TIMM17A: variants seen among roughly 807,000 people sequenced by gnomAD.
The protein encoded by TIMM17A is translocase of inner mitochondrial membrane 17A.
In TIMM17A, 15 loss-of-function variants were observed where a neutral mutation model predicts 26.5. The observed-to-expected ratio is 0.57, with a 90% CI of 0.38 to 0.87. The LOEUF is 0.87. Among genes scored for constraint, TIMM17A ranks in the 40% least tolerant of loss-of-function variants. The probability of loss-of-function intolerance (pLI) is 0.00; values close to 1 mark genes in which losing one functional copy is unlikely to be tolerated. For synonymous variants in TIMM17A, 80 were observed against 70.8 expected (o/e 1.13, Z -0.66); for missense variants, 201 against 210.0 (o/e 0.96, Z 0.27).
chr1:201,955,558 C>G lies in TIMM17A; in HGVS notation c.26+6C>G, dbSNP rs750143420. 2 of 1,614,140 alleles carry G rather than the reference C, an allele frequency of 1.2e-6. No homozygotes were observed. The highest frequency in any genetic ancestry group is 1.7e-6 in the Non-Finnish European group (2 of 1,180,054). Reference sequence around the variant, plus strand: ...GAGTACGCGCGAGAGCCTTGGTGAGCTTCACCGCTGTCTTTGCATTTCTCT... The same window carrying G: ...GAGTACGCGCGAGAGCCTTGGTGAGGTTCACCGCTGTCTTTGCATTTCTCT... On this transcript the variant is annotated splice_donor_region_variant and intron_variant, in intron 1 of 5. Coordinates refer to ENST00000367287, the MANE Select transcript of TIMM17A (RefSeq NM_006335.3).
rs1309524452 is a variant in TIMM17A at position 201,957,270 on chromosome 1, CCT to C, written c.27-10_27-9del. On this transcript the variant is annotated splice_polypyrimidine_tract_variant and intron_variant, in intron 1 of 5. Coordinates refer to ENST00000367287, the MANE Select transcript of TIMM17A (RefSeq NM_006335.3). ...TGAGAAATATGGTCTTTTTTTTCCC[CCT>C]GTTCTTAGCCCATGGCGAATTGTGG... 17 of 1,560,076 alleles carry C rather than the reference CCT, an allele frequency of 1.1e-5. No homozygotes were observed. The African/African-American group carries it at 1.2e-4, about 11-fold the overall frequency.
chr1:201,968,133 A>C (rs1003717750), intron 5 of TIMM17A, among the ~76,000 whole-genome samples: 1 of 150,944 alleles, frequency 6.6e-6, no homozygotes, highest in Non-Finnish European at 1.5e-5. Flanking sequence ...AGTAGCTGGG[A>C]CTACAGGTGC....
chr1:201,955,919 C>A (rs975025654), intron 1 of TIMM17A, among the ~76,000 whole-genome samples: 1 of 152,176 alleles, frequency 6.6e-6, no homozygotes, highest in African/African-American at 2.4e-5. Context: ...CGCGTCCCTC[C>A]GTCTCGCCTT....
At chr1:201,968,961 T>G (rs890280389) in intron 5 of TIMM17A, among the ~76,000 whole-genome samples, 1 of 152,124 alleles carries the variant, frequency 6.6e-6, no homozygotes, top group Non-Finnish European at 1.5e-5. Flanking sequence ...CTGCAAGACT[T>G]TGTTCTACAG....
At position 201,967,517 on chromosome 1, in the gene TIMM17A, T is replaced by TTTTATTTATTTATTTATTTTA. The variant is rs144257538; in HGVS notation, c.431-1937_431-1936insATTTTATTTATTTATTTATTT. ...CTTTTTTCCTCAGAGGGAATCTCCT[T>TTTTATTTATTTATTTATTTTA]TTTATTTATTTATTTTATTTATTTA... On this transcript the variant is annotated intron_variant, in intron 5 of 5. Coordinates refer to ENST00000367287, the MANE Select transcript of TIMM17A (RefSeq NM_006335.3). 4.9e-5 allele frequency among the ~76,000 whole-genome samples: 7 copies of TTTTATTTATTTATTTATTTTA among 142,900 alleles called. No homozygotes were observed. The South Asian group carries it at 1.5e-3, about 31-fold the overall frequency. The allele number at this position is 142,900 out of a possible 152,430, so 93.7% of individuals were successfully genotyped here.
chr1:201,968,156 C>T (rs1477318681), intron 5 of TIMM17A, among the ~76,000 whole-genome samples: 2 of 146,484 alleles, frequency 1.4e-5, no homozygotes, highest in African/African-American at 5.1e-5. Flanking sequence ...AACATCACAC[C>T]TGGCTCATTT....
At position 201,963,851 on chromosome 1, in the gene TIMM17A, C is replaced by T. The variant is rs1006098893; in HGVS notation, c.319+107C>T. The T allele has an allele frequency of 1.1e-5, 14 of 1,217,444 alleles. No homozygotes were observed. The East Asian group carries it at 3.0e-4, about 26-fold the overall frequency. The allele number at this position is 1,217,444 out of a possible 1,614,324, so 75.4% of individuals were successfully genotyped here. On this transcript the variant is annotated intron_variant, in intron 4 of 5. Coordinates refer to ENST00000367287, the MANE Select transcript of TIMM17A (RefSeq NM_006335.3). The stretch of plus-strand genomic sequence containing the variant: ...TATATAAAACTGATTATTGACCAGG[C>T]ACATTGGCTCATGACTATAATTCCA...
chr1:201,962,372 A>C (rs1267820575), intron 3 of TIMM17A: 1 of 152,232 alleles, frequency 6.6e-6, no homozygotes, highest in African/African-American at 2.4e-5. Flanking sequence ...TTTGAGACGG[A>C]GTCTCGCTCT....
At chr1:201,969,147 T>G (rs56409446) in intron 5 of TIMM17A, among the ~76,000 whole-genome samples, 12 of 152,214 alleles carry the variant, frequency 7.9e-5, no homozygotes, top group African/African-American at 2.9e-4. Flanking sequence ...AATCTTGATA[T>G]ATGGCAGCTT....
intron 4 of TIMM17A, among the ~76,000 whole-genome samples, chr1:201,964,639 T>C (rs1488558893): frequency 2.7e-3 from 45 of 16,382 alleles, no homozygotes; most frequent in African/African-American, 6.2e-3. Flanking sequence ...TTATTTCTTT[T>C]TTTTTTTTTT....
intron 3 of TIMM17A, among the ~76,000 whole-genome samples, chr1:201,958,810 CT>C (rs773037741): frequency 4.4e-4 from 67 of 152,286 alleles, no homozygotes; most frequent in Admixed American, 1.4e-3. Context: ...TCAAAATAAT[CT>C]TCTCTTTGCT....
intron 5 of TIMM17A, among the ~76,000 whole-genome samples, chr1:201,966,578 C>T (rs1281847133): frequency 6.6e-6 from 1 of 151,980 alleles, no homozygotes; most frequent in Non-Finnish European, 1.5e-5. Context: ...CACGGTGGCT[C>T]ACACCTGTAA....
intron 4 of TIMM17A, among the ~76,000 whole-genome samples, chr1:201,964,326 G>A (rs959199124): frequency 1.3e-5 from 2 of 152,252 alleles, no homozygotes; most frequent in Admixed American, 6.5e-5. Flanking sequence ...TTCTTCACCA[G>A]TAATCTGGAG....
intron 3 of TIMM17A, chr1:201,962,184 G>T (rs1682545609): frequency 6.6e-6 from 1 of 152,018 alleles, no homozygotes; most frequent in African/African-American, 2.4e-5. Flanking sequence ...TTTTAGTGAG[G>T]TAATTCTAAT....
At chr1:201,963,575 TTTAAA>T (rs761234721) in intron 3 of TIMM17A, 36 bp from the exon 4 acceptor site, 45 of 1,578,534 alleles carry the variant, frequency 2.9e-5, no homozygotes, top group Admixed American at 1.8e-4. Context: ...GAAGATGAAA[TTTAAA>T]TTAGTATTTG....
intron 5 of TIMM17A, among the ~76,000 whole-genome samples, chr1:201,969,247 A>C (rs1392701504): frequency 1.3e-5 from 2 of 152,180 alleles, no homozygotes; most frequent in African/African-American, 4.8e-5. Context: ...AAAACTGTTC[A>C]TTCTGGAGCA....
Position 201,955,542 on chromosome 1 carries a change from C to G in TIMM17A, c.16C>G (p.Arg6Gly). Residue 6 changes from arginine (R) to glycine (G), a missense_variant, in exon 1 of 6, where the codon CGA becomes GGA. Coordinates refer to ENST00000367287, the MANE Select transcript of TIMM17A (RefSeq NM_006335.3). MEEYA[R>G]EPCPWRIVDD... ...TGGAGTCAAGATGGAGGAGTACGCGCGAGAGCCTTGGTGAGCTTCACCGCT... is the reference window on the plus strand; with the variant it reads ...TGGAGTCAAGATGGAGGAGTACGCGGGAGAGCCTTGGTGAGCTTCACCGCT... The G allele has an allele frequency of 6.2e-7, 1 of 1,614,248 alleles. No homozygotes were observed. The highest frequency in any genetic ancestry group is 1.1e-5 in the South Asian group (1 of 91,082).
intron 5 of TIMM17A, among the ~76,000 whole-genome samples, chr1:201,967,534 A>ATTTATTTATTTATTTTG (rs1553301605): frequency 6.7e-6 from 1 of 149,962 alleles, no homozygotes. Context: ...TATTTATTTT[A>ATTTATTTATTTATTTTG]TTTATTTATT....
rs1682697188 is a variant in TIMM17A, at chr1:201,969,654, G to C, written c.*100G>C. The C allele has an allele frequency of 4.1e-6, 4 of 973,268 alleles. No individual in the cohort carries two copies. The highest frequency in any genetic ancestry group is 6.5e-6 in the Non-Finnish European group (4 of 615,868). 60.3% of individuals were successfully genotyped at this position (973,268 alleles called of 1,614,324 possible). ...TGTTTTTAAAACCATAGGTGGGACA[G>C]CTATGGCCAATAGGCTATAAAGAGA... On this transcript the variant is annotated 3_prime_UTR_variant, in exon 6 of 6. Coordinates refer to ENST00000367287, the MANE Select transcript of TIMM17A (RefSeq NM_006335.3).
Sources: allele counts gnomAD v4.1 joint callset (sites outside exome capture counted in the v4.1 genomes callset), GRCh38; gene constraint gnomAD v4.1.1; transcripts MANE v1.5; gene names NCBI Gene and HGNC (gene_info 2026-07-23, HGNC 2026-07-21).